VWF: variants seen among roughly 807,000 people sequenced by gnomAD.
The protein encoded by VWF is Factor VIII related antigen.
A neutral mutation model predicts 308.6 loss-of-function variants in VWF; 176 were observed. The ratio of observed to expected loss-of-function variants is 0.57; its 90% CI spans 0.50 to 0.65. The LOEUF (loss-of-function observed/expected upper bound fraction) is 0.65. Ranked by LOEUF, VWF falls within the 30% of genes least tolerant of loss-of-function variation. The pLI, the probability that VWF is intolerant of heterozygous loss-of-function variation, is 0.00. For missense variants in VWF, 3,146 were observed against 3,648.2 expected (o/e 0.86, Z 3.55); for synonymous variants, 1,385 against 1,443.4 (o/e 0.96, Z 0.92).
chr12:6,013,699 G>A (rs1944023614), intron 31 of VWF, 54 bp from the exon 32 acceptor site: 4 of 1,600,400 alleles, frequency 2.5e-6, no homozygotes, highest in Non-Finnish European at 3.4e-6. Flanking sequence ...GCTCAAAATG[G>A]ACTGGCCTGA....
At chr12:6,055,438 G>C (rs1168792633) in intron 15 of VWF, among the ~76,000 whole-genome samples, 1 of 152,166 alleles carries the variant, frequency 6.6e-6, no homozygotes, top group Non-Finnish European at 1.5e-5. Flanking sequence ...TACCTCACGG[G>C]AAAGTTGCCA....
intron 16 of VWF, among the ~76,000 whole-genome samples, chr12:6,052,155 G>A (rs2136448979): frequency 6.6e-6 from 1 of 152,302 alleles, no homozygotes; most frequent in South Asian, 2.1e-4. Context: ...CGCTGCAGTG[G>A]TCCATGTTCT....
intron 47 of VWF, among the ~76,000 whole-genome samples, chr12:5,964,262 A>ACATACATACATGCATACATACATG (rs1161495290): frequency 6.3e-4 from 89 of 141,810 alleles, no homozygotes; most frequent in Admixed American, 9.5e-4. Flanking sequence ...ATACATACAT[A>ACATACATACATGCATACATACATG]CATACATACA....
At chr12:6,009,331 T>C (rs1252399890) in intron 34 of VWF, among the ~76,000 whole-genome samples, 5 of 151,202 alleles carry the variant, frequency 3.3e-5, no homozygotes, top group African/African-American at 1.2e-4. Context: ...AACTCAATTA[T>C]ATGAAAAAAT....
intron 34 of VWF, among the ~76,000 whole-genome samples, chr12:6,000,103 C>T (rs1398958462): frequency 6.6e-6 from 1 of 152,070 alleles, no homozygotes; most frequent in Non-Finnish European, 1.5e-5. Flanking sequence ...AGAACTAACA[C>T]TTAAAGAATA....
rs2136461232 is a variant in VWF, at chr12:6,063,485, T to C, written c.1433-431A>G. ...TGTACGACACTGAATACAGCAATTG[T>C]TGCTTCTGTGGGAAGGTGGCGACAG... On this transcript the variant is annotated intron_variant, in intron 12 of 51. Transcript: ENST00000261405. The surrounding 1 kb of genome is among the most constrained non-coding windows in gnomAD (Gnocchi z 4.9). 6.6e-6 allele frequency among the ~76,000 whole-genome samples: 1 copy of C among 152,260 alleles called. No individual in the cohort carries two copies. Among genetic ancestry groups the C allele is most frequent in the South Asian group, 2.1e-4 (1 of 4,828 alleles).
chr12:6,070,161 A>G (rs1045099918), intron 10 of VWF, among the ~76,000 whole-genome samples: 2 of 152,240 alleles, frequency 1.3e-5, no homozygotes, highest in East Asian at 3.8e-4. Context: ...AATTACGTTC[A>G]GTGGAGCACA....
At chr12:6,055,840 T>A (rs1209953023) in intron 15 of VWF, among the ~76,000 whole-genome samples, 3 of 149,150 alleles carry the variant, frequency 2.0e-5, no homozygotes, top group Admixed American at 6.8e-5. Flanking sequence ...AGTGGTGCGA[T>A]CATAACTCAC....
chr12:5,956,668 A>G (rs1395838724), intron 47 of VWF, among the ~76,000 whole-genome samples: 3 of 152,032 alleles, frequency 2.0e-5, no homozygotes, highest in Non-Finnish European at 4.4e-5. Flanking sequence ...AGTTAAACAA[A>G]TTAAAAATTT....
chr12:5,987,021 G>A (rs777947274), intron 38 of VWF, among the ~76,000 whole-genome samples: 64 of 152,134 alleles, frequency 4.2e-4, no homozygotes, highest in Admixed American at 1.4e-3. Context: ...TCTGCCTCCC[G>A]AGTTTAAGTG....
At chr12:6,051,489 T>C (rs1444547335) in intron 16 of VWF, among the ~76,000 whole-genome samples, 2 of 152,066 alleles carry the variant, frequency 1.3e-5, no homozygotes. Flanking sequence ...TTAGCCAGGA[T>C]GGTCTCGATC....
chr12:6,015,471 A>G (rs1303132791), intron 31 of VWF, among the ~76,000 whole-genome samples: 1 of 151,526 alleles, frequency 6.6e-6, no homozygotes, highest in East Asian at 1.9e-4. Flanking sequence ...CCACGAGGGG[A>G]CTCAATGTCA....
chr12:6,057,311 A>ATTTTTTTTTTTTTTTTTTTT (rs1250165048), intron 14 of VWF, among the ~76,000 whole-genome samples: 4 of 129,390 alleles, frequency 3.1e-5, no homozygotes, highest in Non-Finnish European at 4.8e-5. Context: ...GGACTATGGA[A>ATTTTTTTTTTTTTTTTTTTT]TTTTTTTTTT....
rs111971143 is a variant in VWF at position 6,072,403 on chromosome 12, G to A, written c.1037C>T (p.Thr346Ile). The change falls in exon 9 of 52, where the codon ACC (threonine) becomes ATC (isoleucine). Residue 346 changes from threonine to isoleucine, a missense_variant. Coordinates refer to ENST00000261405, the MANE Select transcript of VWF (RefSeq NM_000552.5). The part of the protein sequence containing the change: ...LLDEGLCVES[T>I]ECPCVHSGKR... ...TCCGGAATGCACGCAGGGACACTCG[G>A]TGCTCTCCACGCAGAGGCCTTCATC... 8.2e-4 allele frequency: 1,328 copies of A among 1,614,134 alleles called. 10 individuals carry two copies. In the African/African-American group the frequency reaches 0.013, roughly 16 times the overall value.
At position 6,065,888 on chromosome 12, in the gene VWF, G is replaced by T. The variant is rs1309544834; in HGVS notation, c.1157-615C>A. Among the ~76,000 whole-genome samples the T allele has an allele frequency of 2.0e-5, 3 of 152,188 alleles. No homozygotes were observed. In the East Asian group the frequency reaches 5.8e-4, roughly 29 times the overall value. On this transcript the variant is annotated intron_variant, in intron 10 of 51. Coordinates refer to ENST00000261405, the MANE Select transcript of VWF (RefSeq NM_000552.5). Reference sequence around the variant, plus strand: ...ACTCCATCCTCCTCACCAGCAGAGGGGCAACTCTAAGGCCATTGCTTTCTG... The same window carrying T: ...ACTCCATCCTCCTCACCAGCAGAGGTGCAACTCTAAGGCCATTGCTTTCTG...
At chr12:6,027,092 T>C (rs1308612519) in intron 22 of VWF, among the ~76,000 whole-genome samples, 1 of 152,120 alleles carries the variant, frequency 6.6e-6, no homozygotes, top group Non-Finnish European at 1.5e-5. Context: ...CCAGGAAACA[T>C]AGAGGAAGAA....
At chr12:6,028,075 GGT>G (rs1944215973) in intron 22 of VWF, among the ~76,000 whole-genome samples, 2 of 152,146 alleles carry the variant, frequency 1.3e-5, no homozygotes, top group Admixed American at 6.5e-5. Flanking sequence ...GAAAATGGAT[GGT>G]GTTATCAGGG....
chr12:6,031,655 A>G, intron 20 of VWF, 77 bp from the exon 21 acceptor site: 1 of 1,609,170 alleles, frequency 6.2e-7, no homozygotes, highest in Admixed American at 1.7e-5. Context: ...GCATCTCTTC[A>G]TCACAGGCCT....
chr12:6,105,180 C>A (rs906893740), intron 5 of VWF, among the ~76,000 whole-genome samples: 4 of 152,112 alleles, frequency 2.6e-5, no homozygotes, highest in African/African-American at 9.7e-5. Context: ...CTGACTTGAC[C>A]ACTACACAAT....
Sources: allele counts gnomAD v4.1 joint callset (sites outside exome capture counted in the v4.1 genomes callset), GRCh38; gene constraint gnomAD v4.1.1; non-coding constraint Gnocchi (gnomAD v3.1); transcripts MANE v1.5; gene names NCBI Gene and HGNC (gene_info 2026-07-23, HGNC 2026-07-21).